The following PLXDC2 variants were observed in gnomAD, a reference collection of about 807,000 sequenced individuals.
The protein encoded by PLXDC2 is plexin domain containing 2, also known as plexin domain-containing protein 2.
Under a neutral mutation model 68.9 loss-of-function variants are expected in PLXDC2, and 40 were observed. The observed-to-expected ratio is 0.58, with a 90% CI of 0.45 to 0.76. PLXDC2 has a LOEUF of 0.76. PLXDC2 is among the 30% of genes least tolerant of loss of function. The probability of loss-of-function intolerance (pLI) is 0.00; values close to 1 mark genes in which losing one functional copy is unlikely to be tolerated. For synonymous variants in PLXDC2, 243 were observed against 234.2 expected (o/e 1.04, Z -0.34); for missense variants, 644 against 661.9 (o/e 0.97, Z 0.30).
Position 20,272,661 on chromosome 10 carries a change from A to G in PLXDC2, c.1474-7042A>G, listed in dbSNP as rs74919463. Among the ~76,000 whole-genome samples the G allele has an allele frequency of 2.4e-4, 36 of 152,272 alleles. 1 individual carries two copies. In the East Asian group the frequency reaches 6.8e-3, roughly 29 times the overall value. ...TGCATCATCTTGAGAGAATGGTAAAATTATAATAAAACTGACTCAAATAAA... is the reference window on the plus strand; with the variant it reads ...TGCATCATCTTGAGAGAATGGTAAAGTTATAATAAAACTGACTCAAATAAA... On this transcript the variant is annotated intron_variant, in intron 13 of 13. Coordinates refer to ENST00000377252, the MANE Select transcript of PLXDC2 (RefSeq NM_032812.9).
chr10:19,888,735 G>A (rs1488658634), intron 1 of PLXDC2, among the ~76,000 whole-genome samples: 1 of 152,114 alleles, frequency 6.6e-6, no homozygotes, highest in Non-Finnish European at 1.5e-5. Context: ...GGTTTGAGGT[G>A]GGATTGGCCA....
intron 1 of PLXDC2, among the ~76,000 whole-genome samples, chr10:19,995,279 G>A (rs956781662): frequency 6.6e-6 from 1 of 152,096 alleles, no homozygotes; most frequent in East Asian, 1.9e-4. Context: ...AGCAAAATTG[G>A]TACAGGGGAA....
At chr10:20,238,692 T>TATATATATATATATATATATATAC (rs778584936) in intron 12 of PLXDC2, among the ~76,000 whole-genome samples, 1 of 118,312 alleles carries the variant, frequency 8.5e-6, no homozygotes, top group African/African-American at 3.2e-5. Flanking sequence ...TATATATATA[T>TATATATATATATATATATATATAC]ACACACATAT....
At chr10:19,968,116 A>G (rs1834294660) in intron 1 of PLXDC2, among the ~76,000 whole-genome samples, 1 of 152,222 alleles carries the variant, frequency 6.6e-6, no homozygotes, top group African/African-American at 2.4e-5. Context: ...TTGAAGTTAC[A>G]AGTAAACAGG....
intron 3 of PLXDC2, among the ~76,000 whole-genome samples, chr10:20,048,731 A>G (rs1478570224): frequency 6.6e-6 from 1 of 152,048 alleles, no homozygotes; most frequent in African/African-American, 2.4e-5. Context: ...AAATATGGCT[A>G]CCATCTGTCT....
At chr10:20,153,555 A>C in intron 6 of PLXDC2, among the ~76,000 whole-genome samples, 1 of 152,150 alleles carries the variant, frequency 6.6e-6, no homozygotes, top group East Asian at 1.9e-4. Context: ...TGTGTGCCAT[A>C]ACCAGAAGTG....
At chr10:20,208,332 A>G (rs570401061) in intron 9 of PLXDC2, among the ~76,000 whole-genome samples, 32 of 152,292 alleles carry the variant, frequency 2.1e-4, no homozygotes, top group Non-Finnish European at 2.8e-4. Context: ...ACAAGAAAGA[A>G]TGAGAGCCAG....
intron 4 of PLXDC2, among the ~76,000 whole-genome samples, chr10:20,068,626 AAT>A (rs1011750558): frequency 6.8e-6 from 1 of 147,900 alleles, no homozygotes; most frequent in Non-Finnish European, 1.5e-5. Context: ...ATATATATAT[AAT>A]ATATATTTAC....
At chr10:20,178,274 A>G (rs777466469) in intron 9 of PLXDC2, among the ~76,000 whole-genome samples, 4 of 152,178 alleles carry the variant, frequency 2.6e-5, no homozygotes, top group Non-Finnish European at 5.9e-5. Context: ...GATTTTGACA[A>G]GTGGCAAAGA....
chr10:20,008,643 C>T (rs938060321), intron 2 of PLXDC2, among the ~76,000 whole-genome samples: 1 of 152,124 alleles, frequency 6.6e-6, no homozygotes, highest in Non-Finnish European at 1.5e-5. Context: ...ACAGAATCTC[C>T]ATGTTATGTT....
chr10:19,909,943 G>T (rs1434955073), intron 1 of PLXDC2, among the ~76,000 whole-genome samples: 2 of 151,996 alleles, frequency 1.3e-5, no homozygotes, highest in Non-Finnish European at 2.9e-5. Context: ...TCATACTTGG[G>T]ACCCCAAAAT....
chr10:19,855,882 A>G (rs1019009959), intron 1 of PLXDC2, among the ~76,000 whole-genome samples: 19 of 152,150 alleles, frequency 1.2e-4, no homozygotes, highest in African/African-American at 4.6e-4. Context: ...TCAGGAGATC[A>G]AGACCATCCT....
intron 12 of PLXDC2, among the ~76,000 whole-genome samples, chr10:20,221,992 A>G (rs1470373748): frequency 6.6e-6 from 1 of 152,198 alleles, no homozygotes; most frequent in Non-Finnish European, 1.5e-5. Flanking sequence ...ATGGGACTAC[A>G]TATAGAAAAT....
At chr10:20,193,089 C>G (rs1425379807) in intron 9 of PLXDC2, among the ~76,000 whole-genome samples, 1 of 152,056 alleles carries the variant, frequency 6.6e-6, no homozygotes, top group Admixed American at 6.6e-5. Context: ...TGGACATCCT[C>G]CAGTCATCCC....
At chr10:20,241,376 C>G (rs1835513950) in intron 12 of PLXDC2, among the ~76,000 whole-genome samples, 1 of 152,076 alleles carries the variant, frequency 6.6e-6, no homozygotes, top group Non-Finnish European at 1.5e-5. Flanking sequence ...TTTTTCCTTC[C>G]TGGGAAAAGC....
intron 9 of PLXDC2, among the ~76,000 whole-genome samples, chr10:20,194,588 G>A (rs889237799): frequency 2.6e-5 from 4 of 151,828 alleles, no homozygotes; most frequent in Non-Finnish European, 4.4e-5. Context: ...TTTGAAAGAT[G>A]TAAAAGTCAA....
chr10:19,903,329 T>C (rs1160598221), intron 1 of PLXDC2, among the ~76,000 whole-genome samples: 3 of 151,904 alleles, frequency 2.0e-5, no homozygotes, highest in East Asian at 3.9e-4. Context: ...TGGCTTTTTT[T>C]TTTTTAATTA....
chr10:19,949,123 CAAA>C (rs60138814), intron 1 of PLXDC2, among the ~76,000 whole-genome samples: 3 of 82,920 alleles, frequency 3.6e-5, no homozygotes, highest in African/African-American at 5.6e-5. Context: ...GAGACTTTGT[CAAA>C]AAAAAAAAAA....
intron 1 of PLXDC2, among the ~76,000 whole-genome samples, chr10:19,864,882 C>T (rs1232704203): frequency 1.3e-5 from 2 of 152,062 alleles, no homozygotes; most frequent in South Asian, 2.1e-4. Context: ...GTGAGTCAAA[C>T]GGGGCTTCCT....
Sources: gnomAD v4.1 joint callset for allele counts (sites outside exome capture counted in the v4.1 genomes callset) on GRCh38, gnomAD v4.1.1 for gene constraint, MANE v1.5 for transcripts, NCBI Gene and HGNC (gene_info 2026-07-23, HGNC 2026-07-21) for gene names.